The following GPC5 variants were observed in gnomAD, a reference collection of about 807,000 sequenced individuals.
GPC5 encodes the protein glypican 5.
Under a neutral mutation model 53.9 loss-of-function variants are expected in GPC5, and 47 were observed. The observed-to-expected ratio is 0.87, with a 90% CI of 0.69 to 1.11. GPC5 has a LOEUF of 1.11. Among genes scored for constraint, GPC5 ranks in the 50% most tolerant of loss-of-function variants. The pLI is 0.00. For synonymous variants in GPC5, 286 were observed against 263.3 expected (o/e 1.09, Z -0.84); for missense variants, 748 against 713.1 (o/e 1.05, Z -0.56).
rs145107758 is a variant in GPC5 at position 91,678,724 on chromosome 13, G to A, written c.326-14463G>A. On this transcript the variant is annotated intron_variant, in intron 2 of 7. Coordinates refer to ENST00000377067, the MANE Select transcript of GPC5 (RefSeq NM_004466.6). ...AAGCTGTGATAGTTATTTCAAGGAT[G>A]TTAGGAGTTTTTGTTTTTTTTTTTG... 1.8e-3 allele frequency among the ~76,000 whole-genome samples: 258 copies of A among 145,898 alleles called. 2 individuals carry two copies. Among genetic ancestry groups the A allele is most frequent in the African/African-American group, 6.6e-3 (245 of 37,318 alleles).
intron 7 of GPC5, among the ~76,000 whole-genome samples, chr13:92,160,874 T>G (rs1367798278): frequency 6.6e-6 from 1 of 152,172 alleles, no homozygotes; most frequent in Non-Finnish European, 1.5e-5. Context: ...CTATTACTAA[T>G]TTCAGGTCAT....
chr13:92,527,113 AAAGAAAGAAAG>A (rs1566276386), intron 7 of GPC5, among the ~76,000 whole-genome samples: 9 of 48,370 alleles, frequency 1.9e-4, no homozygotes, highest in African/African-American at 6.8e-4. Context: ...AAGAAAAAAG[AAAGAAAGAAAG>A]AAAGAAAGAA....
chr13:92,476,670 T>A (rs1422899993), intron 7 of GPC5, among the ~76,000 whole-genome samples: 1 of 148,544 alleles, frequency 6.7e-6, no homozygotes, highest in Non-Finnish European at 1.5e-5. Flanking sequence ...ATAGACTGGA[T>A]TAAGAAAATG....
At chr13:91,498,368 C>A (rs1309352393) in intron 2 of GPC5, among the ~76,000 whole-genome samples, 1 of 151,026 alleles carries the variant, frequency 6.6e-6, no homozygotes, top group East Asian at 2.0e-4. Context: ...TGTTGACCGA[C>A]TGAGTGAACG....
intron 6 of GPC5, among the ~76,000 whole-genome samples, chr13:91,965,868 T>C (rs2040175980): frequency 6.6e-6 from 1 of 152,208 alleles, no homozygotes; most frequent in South Asian, 2.1e-4. Context: ...GGAATGCATA[T>C]TTAAACTGAA....
chr13:92,102,840 T>G (rs1031108087), intron 6 of GPC5, among the ~76,000 whole-genome samples: 17 of 152,150 alleles, frequency 1.1e-4, no homozygotes. Flanking sequence ...TGGATTGAGG[T>G]GTACAGGTTT....
rs1368695559 is a variant in GPC5, at chr13:91,398,805, G to T, written c.-242G>T. ...CCCGCCCAGCCGCCCACTCTTCTCG[G>T]CTAGGGAAGAAGACCAGAGGGTGCT... On this transcript the variant is annotated 5_prime_UTR_variant, in exon 1 of 8. Coordinates refer to ENST00000377067, the MANE Select transcript of GPC5 (RefSeq NM_004466.6). 3 of 445,566 alleles carry T rather than the reference G, an allele frequency of 6.7e-6. No homozygotes were observed. The highest frequency in any genetic ancestry group is 7.2e-5 in the East Asian group (2 of 27,878). 27.6% of individuals were successfully genotyped at this position (445,566 alleles called of 1,614,324 possible).
At chr13:92,326,949 C>T (rs1425000181) in intron 7 of GPC5, among the ~76,000 whole-genome samples, 2 of 152,080 alleles carry the variant, frequency 1.3e-5, no homozygotes, top group Non-Finnish European at 2.9e-5. Flanking sequence ...GCTGCAGTGA[C>T]CAGTGTAGTC....
At chr13:92,758,593 T>C (rs1177227067) in intron 7 of GPC5, among the ~76,000 whole-genome samples, 2 of 152,226 alleles carry the variant, frequency 1.3e-5, no homozygotes, top group Non-Finnish European at 2.9e-5. Flanking sequence ...GTGGCCATTC[T>C]TTGGCTGTTA....
intron 7 of GPC5, among the ~76,000 whole-genome samples, chr13:92,159,840 G>A (rs2041974071): frequency 6.6e-6 from 1 of 151,694 alleles, no homozygotes; most frequent in Non-Finnish European, 1.5e-5. Flanking sequence ...CTGACCTCGT[G>A]ATCTGCCCAC....
intron 7 of GPC5, among the ~76,000 whole-genome samples, chr13:92,332,735 T>C (rs1366493693): frequency 2.6e-5 from 4 of 152,172 alleles, no homozygotes; most frequent in Non-Finnish European, 5.9e-5. Flanking sequence ...TCCAATAAAA[T>C]AGCTATTCCC....
rs552681107 is a variant in GPC5, at chr13:92,284,019, G to A, written c.1561+139030G>A. ...GCAAGACTAATAAAGAAGAAAAGAA[G>A]AATCAAATAGACACAATAAAAAATG... is the stretch of plus-strand genomic sequence containing the variant. On this transcript the variant is annotated intron_variant, in intron 7 of 7. Transcript: ENST00000377067. Among the ~76,000 whole-genome samples the A allele has an allele frequency of 5.9e-5, 9 of 151,796 alleles. No individual in the cohort carries two copies. In the East Asian group the frequency reaches 1.8e-3, roughly 30 times the overall value.
intron 2 of GPC5, among the ~76,000 whole-genome samples, chr13:91,639,667 C>T (rs2034371520): frequency 6.9e-6 from 1 of 145,626 alleles, no homozygotes; most frequent in African/African-American, 2.5e-5. Flanking sequence ...AAAATAGAGT[C>T]ATTCTGACGC....
intron 7 of GPC5, among the ~76,000 whole-genome samples, chr13:92,559,330 ATGTGTGTGTGTGTGTGTGTGTG>A (rs5805755): frequency 1.4e-5 from 2 of 143,024 alleles, no homozygotes; most frequent in African/African-American, 5.1e-5. Flanking sequence ...TAGTGTGTAT[ATGTGTGTGTGTGTGTGTGTGTG>A]TGTGTGTGTG....
chr13:92,061,217 G>A (rs2352484), intron 6 of GPC5, among the ~76,000 whole-genome samples: 6,246 of 152,030 alleles, frequency 0.041, 502 homozygotes, highest in African/African-American at 0.14. Context: ...ATGATATAAC[G>A]TATCTATAGG....
rs150430423 is a variant in GPC5, at chr13:92,145,028, G to T, written c.1561+39G>T. 3.1e-4 allele frequency: 411 copies of T among 1,309,236 alleles called. 1 individual carries two copies. The African/African-American group carries it at 5.9e-3, about 19-fold the overall frequency. The allele number at this position is 1,309,236 out of a possible 1,614,324, so 81.1% of individuals were successfully genotyped here. On this transcript the variant is annotated intron_variant, in intron 7 of 7. Transcript: ENST00000377067. The stretch of plus-strand genomic sequence containing the variant: ...TCTAACACCACTTTTTTAAAACAAT[G>T]ATTTTGAAATATAATTAAAGATATT...
At chr13:92,693,640 C>A (rs1221322966) in intron 7 of GPC5, among the ~76,000 whole-genome samples, 4 of 152,056 alleles carry the variant, frequency 2.6e-5, no homozygotes, top group Admixed American at 2.6e-4. Context: ...CTGGCTGATT[C>A]TGAGAGCATT....
At chr13:92,577,414 GTATA>G (rs1290829997) in intron 7 of GPC5, among the ~76,000 whole-genome samples, 7 of 139,118 alleles carry the variant, frequency 5.0e-5, no homozygotes, top group South Asian at 2.3e-4. Flanking sequence ...AAGTATGTAT[GTATA>G]TGTGTGTGTG....
At position 92,385,802 on chromosome 13, in the gene GPC5, CG is replaced by C. The variant is rs1874685520; in HGVS notation, c.1561+240814del. 2.5e-5 allele frequency among the ~76,000 whole-genome samples: 2 copies of C among 79,800 alleles called. 1 individual carries two copies. 52.4% of individuals were successfully genotyped at this position (79,800 alleles called of 152,430 possible). A position where few individuals can be genotyped will look rare whatever the true frequency, so the allele number is the denominator to read the frequency against. Reference sequence around the variant, plus strand: ...ATATATGTATATATATACATATATACGTATATATATACACGTGTATATATAT... The same window carrying C: ...ATATATGTATATATATACATATATACTATATATATACACGTGTATATATAT... On this transcript the variant is annotated intron_variant, in intron 7 of 7. Coordinates refer to ENST00000377067, the MANE Select transcript of GPC5 (RefSeq NM_004466.6).
Sources: gnomAD v4.1 joint callset for allele counts (sites outside exome capture counted in the v4.1 genomes callset) on GRCh38, gnomAD v4.1.1 for gene constraint, MANE v1.5 for transcripts, NCBI Gene and HGNC (gene_info 2026-07-23, HGNC 2026-07-21) for gene names.